KLRD1: variants seen among roughly 807,000 people sequenced by gnomAD.
KLRD1 encodes the protein natural killer cells antigen CD94.
A neutral mutation model predicts 22.6 loss-of-function variants in KLRD1; 21 were observed. The observed-to-expected ratio is 0.93, with a 90% confidence interval of 0.66 to 1.34. The LOEUF is 1.34. Among genes scored for constraint, KLRD1 ranks in the 40% most tolerant of loss-of-function variants. The pLI, the probability that KLRD1 is intolerant of heterozygous loss-of-function variation, is 0.00. For missense variants in KLRD1, 183 were observed against 208.6 expected (o/e 0.88, Z 0.76); for synonymous variants, 59 against 71.1 (o/e 0.83, Z 0.85).
chr12:10,306,657 C>G (rs148332725), upstream of KLRD1, among the ~76,000 whole-genome samples: 53 of 152,226 alleles, frequency 3.5e-4, 1 homozygote, highest in East Asian at 9.6e-3. Flanking sequence ...TTCAAGTAAG[C>G]AAAGGATTTT....
chr12:10,302,882 C>T (rs1013127298), upstream of KLRD1, among the ~76,000 whole-genome samples: 2 of 152,160 alleles, frequency 1.3e-5, no homozygotes, highest in African/African-American at 4.8e-5. Flanking sequence ...ATAGAAACTA[C>T]ACCTACACTT....
chr12:10,290,062 C>T (rs1031275289), intron 1 of KLRD1, among the ~76,000 whole-genome samples: 4 of 152,214 alleles, frequency 2.6e-5, no homozygotes, highest in Non-Finnish European at 5.9e-5. Context: ...CAGGCGTGAG[C>T]CACCCCATCC....
At position 10,328,411 on chromosome 12, in the gene KLRD1, C is replaced by T. The variant is rs561500377; in HGVS notation, c.*13618C>T. 1.3e-4 allele frequency: 19 copies of T among 151,980 alleles called. No homozygotes were observed. The highest frequency in any genetic ancestry group is 2.2e-4 in the Non-Finnish European group (15 of 67,942). 9.4% of individuals were successfully genotyped at this position (151,980 alleles called of 1,614,324 possible). On this transcript the variant is annotated 3_prime_UTR_variant, in exon 6 of 6. Transcript: ENST00000336164. ...AGGTCCTTGTCTTTGTGAATTTTTT[C>T]ATTTCTTCTAGGTTATCCAATTTGT... is the stretch of plus-strand genomic sequence containing the variant.
rs1324095216 is a variant in KLRD1 at position 10,239,473 on chromosome 12, CCTTCCTTCCTT to C, written c.-101+13253_-101+13263del. Among the ~76,000 whole-genome samples the C allele has an allele frequency of 6.7e-4, 77 of 115,554 alleles. 4 individuals carry two copies. Among genetic ancestry groups the C allele is most frequent in the African/African-American group, 2.4e-3 (74 of 30,926 alleles). The allele number at this position is 115,554 out of a possible 152,430, so 75.8% of individuals were successfully genotyped here. On this transcript the variant is annotated intron_variant, in intron 1 of 5. Transcript: ENST00000544747. ...TCCTTCCTTCCTTCCTTCCTTCCTT[CCTTCCTTCCTT>C]CTTCCTTCCTTCCTTCCTTCCCTCC...
intron 1 of KLRD1, among the ~76,000 whole-genome samples, chr12:10,294,977 G>A (rs1949809273): frequency 6.6e-6 from 1 of 152,206 alleles, no homozygotes; most frequent in Non-Finnish European, 1.5e-5. Flanking sequence ...GAGAAAGAGG[G>A]TAGTAATTGG....
chr12:10,280,560 C>T (rs1949631278), intron 1 of KLRD1, among the ~76,000 whole-genome samples: 1 of 152,020 alleles, frequency 6.6e-6, no homozygotes, highest in South Asian at 2.1e-4. Flanking sequence ...CAGAAGATGC[C>T]AAGAGTTCAG....
chr12:10,281,098 T>A (rs770385072), intron 1 of KLRD1, among the ~76,000 whole-genome samples: 13 of 152,176 alleles, frequency 8.5e-5, no homozygotes, highest in Non-Finnish European at 1.6e-4. Flanking sequence ...AGGATTATTT[T>A]GGATTATCAA....
chr12:10,309,546 C>T (rs903444521), intron 2 of KLRD1, 66 bp downstream of exon 2: 3 of 1,267,584 alleles, frequency 2.4e-6, no homozygotes, highest in Non-Finnish European at 3.5e-6. Context: ...ATAATAAAGG[C>T]TTCATCTTGC....
At position 10,322,651 on chromosome 12, in the gene KLRD1, A is replaced by G. The variant is rs1380783693; in HGVS notation, c.*7858A>G. The G allele has an allele frequency of 6.6e-6, 1 of 152,192 alleles. No homozygotes were observed. The highest frequency in any genetic ancestry group is 1.9e-4 in the East Asian group (1 of 5,198). 9.4% of individuals were successfully genotyped at this position (152,192 alleles called of 1,614,324 possible). ...ACTAATTTTCTCATTTACACTAAAT[A>G]CTTCATTGATTACAGTTTACCTCTT... On this transcript the variant is annotated 3_prime_UTR_variant, in exon 6 of 6. Transcript: ENST00000336164.
chr12:10,280,154 A>G (rs1312817007), intron 1 of KLRD1, among the ~76,000 whole-genome samples: 7 of 152,186 alleles, frequency 4.6e-5, no homozygotes, highest in Admixed American at 4.6e-4. Context: ...TGTGGTTGGA[A>G]GTGTTCTGTA....
At chr12:10,307,289 G>A (rs1156518741), upstream of KLRD1, among the ~76,000 whole-genome samples, 1 of 152,176 alleles carries the variant, frequency 6.6e-6, no homozygotes, top group African/African-American at 2.4e-5. Context: ...AAATTGAGGT[G>A]TTGAAAAAAG....
chr12:10,296,305 T>C (rs1399598438), intron 1 of KLRD1, among the ~76,000 whole-genome samples: 1 of 151,966 alleles, frequency 6.6e-6, no homozygotes, highest in Non-Finnish European at 1.5e-5. Context: ...TCACGAGGTC[T>C]GGAGATCGAG....
At chr12:10,265,082 A>AAC (rs144841030) in intron 1 of KLRD1, among the ~76,000 whole-genome samples, 7 of 151,650 alleles carry the variant, frequency 4.6e-5, no homozygotes, top group Non-Finnish European at 8.8e-5. Flanking sequence ...CATACATGCA[A>AAC]ACACACACAC....
At position 10,318,885 on chromosome 12, in the gene KLRD1, C is replaced by T. The variant is rs560929191; in HGVS notation, c.*4092C>T. 3 of 149,636 alleles carry T rather than the reference C, an allele frequency of 2.0e-5. No homozygotes were observed. The South Asian group carries it at 6.4e-4, about 32-fold the overall frequency. 9.3% of individuals were successfully genotyped at this position (149,636 alleles called of 1,614,324 possible). The stretch of plus-strand genomic sequence containing the variant: ...AAAAAAAGCTTTTCATAAGTATGCT[C>T]ATTAGAACCTTATAATTCATTTCAG... On this transcript the variant is annotated 3_prime_UTR_variant, in exon 6 of 6. Coordinates refer to ENST00000336164, the MANE Select transcript of KLRD1 (RefSeq NM_002262.5).
At chr12:10,304,251 C>T (rs1042932670), upstream of KLRD1, among the ~76,000 whole-genome samples, 3 of 152,134 alleles carry the variant, frequency 2.0e-5, no homozygotes, top group Admixed American at 6.5e-5. Flanking sequence ...AACAGATAAA[C>T]ATATGAGGTC....
intron 1 of KLRD1, among the ~76,000 whole-genome samples, chr12:10,239,303 G>A (rs949773519): frequency 1.3e-5 from 2 of 152,280 alleles, no homozygotes; most frequent in African/African-American, 2.4e-5. Context: ...ATAAGCCCAG[G>A]TACCACAAAG....
chr12:10,286,443 T>C (rs1378993224), intron 1 of KLRD1, among the ~76,000 whole-genome samples: 1 of 152,160 alleles, frequency 6.6e-6, no homozygotes, highest in Non-Finnish European at 1.5e-5. Flanking sequence ...CATTTTACGT[T>C]TTACACATGA....
In KLRD1 at chr12:10,317,001, T is replaced by C. The variant is rs772022613; in HGVS notation, c.*2208T>C. 1 of 151,830 alleles carries C rather than the reference T, an allele frequency of 6.6e-6. No individual in the cohort carries two copies. Among genetic ancestry groups the C allele is most frequent in the African/African-American group, 2.4e-5 (1 of 41,320 alleles). The allele number at this position is 151,830 out of a possible 1,614,324, so 9.4% of individuals were successfully genotyped here. A position where few individuals can be genotyped will look rare whatever the true frequency, so the allele number is the denominator to read the frequency against. On this transcript the variant is annotated 3_prime_UTR_variant, in exon 6 of 6. Coordinates refer to ENST00000336164, the MANE Select transcript of KLRD1 (RefSeq NM_002262.5). ...CCCTGTGTCCATGTGTTCTCATTGT[T>C]CAACTCCCACTTATTAGTAAGAACA...
chr12:10,306,118 G>C (rs182439140), upstream of KLRD1, among the ~76,000 whole-genome samples: 8 of 152,102 alleles, frequency 5.3e-5, no homozygotes, highest in East Asian at 1.2e-3. Context: ...GCAGTGAGCC[G>C]AGTGAGCCAC....
Sources: allele counts gnomAD v4.1 joint callset (sites outside exome capture counted in the v4.1 genomes callset), GRCh38; gene constraint gnomAD v4.1.1; transcripts MANE v1.5; gene names NCBI Gene and HGNC (gene_info 2026-07-23, HGNC 2026-07-21).